TMOD3: variants seen among roughly 807,000 people sequenced by gnomAD.
The protein encoded by TMOD3 is tropomodulin-3.
A neutral mutation model predicts 39.2 loss-of-function variants in TMOD3; 20 were observed. The observed-to-expected ratio is 0.51, with a 90% CI of 0.36 to 0.74. The LOEUF (loss-of-function observed/expected upper bound fraction) is 0.74, where lower values mean the gene tolerates loss of function less well. TMOD3 is among the 30% of genes least tolerant of loss of function. The pLI, the probability that TMOD3 is intolerant of heterozygous loss-of-function variation, is 0.00. For synonymous variants in TMOD3, 143 were observed against 145.8 expected (o/e 0.98, Z 0.14); for missense variants, 381 against 412.8 (o/e 0.92, Z 0.67).
chr15:51,896,816 A>T (rs2056623226), intron 7 of TMOD3, among the ~76,000 whole-genome samples: 1 of 151,984 alleles, frequency 6.6e-6, no homozygotes. Flanking sequence ...GTTTATCTTT[A>T]AAGTTTTGTT....
At chr15:51,889,217 T>G (rs547352505) in intron 5 of TMOD3, 72 bp downstream of exon 5, 2 of 1,004,766 alleles carry the variant, frequency 2.0e-6, no homozygotes, top group East Asian at 2.5e-5. Flanking sequence ...TGTGTCAGCT[T>G]AAGTGTTCAC....
chr15:51,865,559 G>A (rs2056441206), intron 2 of TMOD3, among the ~76,000 whole-genome samples: 1 of 152,112 alleles, frequency 6.6e-6, no homozygotes, highest in Admixed American at 6.5e-5. Flanking sequence ...GGAGGCTTGA[G>A]TAACCTCTGA....
chr15:51,832,217 A>ATATATATATATATATATATATATATATC (rs2141662642), intron 1 of TMOD3, among the ~76,000 whole-genome samples: 1 of 132,974 alleles, frequency 7.5e-6, no homozygotes, highest in Admixed American at 7.9e-5. Context: ...ATATATATAT[A>ATATATATATATATATATATATATATATC]TATATATATA....
At chr15:51,853,908 G>C (rs1223140149) in intron 1 of TMOD3, among the ~76,000 whole-genome samples, 1 of 152,226 alleles carries the variant, frequency 6.6e-6, no homozygotes, top group East Asian at 1.9e-4. Context: ...TTTCAGCTAG[G>C]TCTTGAAGAA....
chr15:51,883,846 GAAAATGT>G (rs2056546806), intron 3 of TMOD3, among the ~76,000 whole-genome samples: 1 of 152,138 alleles, frequency 6.6e-6, no homozygotes, highest in Non-Finnish European at 1.5e-5. Context: ...TTGAGCTCAG[GAAAATGT>G]AATTATCCTG....
intron 9 of TMOD3, among the ~76,000 whole-genome samples, chr15:51,903,372 A>C (rs2056662797): frequency 6.6e-6 from 1 of 152,260 alleles, no homozygotes; most frequent in Non-Finnish European, 1.5e-5. Flanking sequence ...CATCTTAGAC[A>C]AGAAGTAAAA....
At chr15:51,887,737 T>G (rs776812748) in intron 4 of TMOD3, 26 bp downstream of exon 4, 1 of 1,613,018 alleles carries the variant, frequency 6.2e-7, no homozygotes, top group Non-Finnish European at 8.5e-7. Flanking sequence ...AGTTAATTTG[T>G]GAATAAGTGT....
intron 1 of TMOD3, among the ~76,000 whole-genome samples, chr15:51,836,886 A>G (rs1281446411): frequency 1.3e-5 from 2 of 152,206 alleles, no homozygotes; most frequent in African/African-American, 4.8e-5. Context: ...ACACACTAAG[A>G]CAAACTTACA....
chr15:51,848,311 T>C (rs2056345827), intron 1 of TMOD3, among the ~76,000 whole-genome samples: 1 of 152,182 alleles, frequency 6.6e-6, no homozygotes, highest in Admixed American at 6.5e-5. Context: ...TCCCTTGCCT[T>C]TGAGGAATCT....
At chr15:51,902,621 C>A (rs181596332) in intron 9 of TMOD3, among the ~76,000 whole-genome samples, 1 of 148,784 alleles carries the variant, frequency 6.7e-6, no homozygotes, top group African/African-American at 2.5e-5. Context: ...CAGGCGTGCG[C>A]GCCGTGCCCA....
chr15:51,869,565 TTAA>T (rs767332296), intron 3 of TMOD3, among the ~76,000 whole-genome samples, 192 bp downstream of exon 3: 1 of 152,260 alleles, frequency 6.6e-6, no homozygotes, highest in Non-Finnish European at 1.5e-5. Context: ...AAGTTTCTTC[TTAA>T]TGATGTTAGT....
intron 1 of TMOD3, among the ~76,000 whole-genome samples, chr15:51,838,532 T>G (rs1207057750): frequency 6.6e-6 from 1 of 152,146 alleles, no homozygotes; most frequent in African/African-American, 2.4e-5. Flanking sequence ...GCAGACACTT[T>G]GAAAGTCTCT....
In TMOD3 at chr15:51,835,304, C is replaced by CTGTTT. The variant is rs564479021; in HGVS notation, c.-75+5481_-75+5485dup. Among the ~76,000 whole-genome samples the CTGTTT allele has an allele frequency of 5.5e-3, 838 of 152,086 alleles. 9 individuals are homozygous for CTGTTT. Among genetic ancestry groups the CTGTTT allele is most frequent in the African/African-American group, 0.019 (808 of 41,482 alleles). On this transcript the variant is annotated intron_variant, in intron 1 of 9. Transcript: ENST00000308580. ...CATGTGTTTTAGTTTCCATCTTTTT[C>CTGTTT]TGTTTTGTTTTGTTTTGAGACAAGG...
At chr15:51,869,878 T>G (rs150084467) in intron 3 of TMOD3, among the ~76,000 whole-genome samples, 2 of 152,320 alleles carry the variant, frequency 1.3e-5, no homozygotes, top group East Asian at 3.9e-4. Context: ...CTCCCCCATT[T>G]AAGTGTTTGA....
intron 5 of TMOD3, among the ~76,000 whole-genome samples, chr15:51,891,704 G>C (rs1421400644): frequency 6.6e-6 from 1 of 150,646 alleles, no homozygotes; most frequent in Admixed American, 6.8e-5. Flanking sequence ...GAAATCTTTT[G>C]GTTTTATAAA....
chr15:51,834,703 C>T (rs1402571347), intron 1 of TMOD3, among the ~76,000 whole-genome samples: 2 of 152,104 alleles, frequency 1.3e-5, no homozygotes, highest in East Asian at 1.9e-4. Context: ...TACTGGCATG[C>T]ACCTATAATC....
At chr15:51,879,655 A>C (rs2056522465) in intron 3 of TMOD3, among the ~76,000 whole-genome samples, 1 of 151,954 alleles carries the variant, frequency 6.6e-6, no homozygotes. Context: ...TTAGGGACTG[A>C]TATTATACAG....
Position 51,861,614 on chromosome 15 carries a change from A to T in TMOD3, c.-74-1197A>T, listed in dbSNP as rs188290849. Among the ~76,000 whole-genome samples the T allele has an allele frequency of 2.6e-5, 4 of 151,974 alleles. No individual in the cohort carries two copies. In the East Asian group the frequency reaches 7.7e-4, roughly 29 times the overall value. On this transcript the variant is annotated intron_variant, in intron 1 of 9. Transcript: ENST00000308580. ...TTGCAGTCAAGAAAAACGTAACCAA[A>T]TCACTAAGTCTAAAGTGTATTTATT... is the stretch of plus-strand genomic sequence containing the variant.
chr15:51,842,825 C>A (rs1567260991), intron 1 of TMOD3, among the ~76,000 whole-genome samples: 1 of 152,264 alleles, frequency 6.6e-6, no homozygotes, highest in East Asian at 1.9e-4. Flanking sequence ...CCTTGTGCCT[C>A]TTGAAAAACC....
Sources: gnomAD v4.1 joint callset for allele counts (sites outside exome capture counted in the v4.1 genomes callset) on GRCh38, gnomAD v4.1.1 for gene constraint, MANE v1.5 for transcripts, NCBI Gene and HGNC (gene_info 2026-07-23, HGNC 2026-07-21) for gene names.